PGC: variants seen among roughly 807,000 people sequenced by gnomAD.
PGC encodes the protein progastricsin.
PGC carries 31 observed loss-of-function variants against 45.9 expected under a neutral mutation model. The ratio of observed to expected loss-of-function variants is 0.67; its 90% CI spans 0.51 to 0.91. The LOEUF (loss-of-function observed/expected upper bound fraction) is 0.91, where lower values mean the gene tolerates loss of function less well. PGC is among the 40% of genes least tolerant of loss of function. The pLI, the probability that PGC is intolerant of heterozygous loss-of-function variation, is 0.00. For synonymous variants in PGC, 192 were observed against 201.8 expected (o/e 0.95, Z 0.41); for missense variants, 477 against 493.2 (o/e 0.97, Z 0.31).
rs374126816 is a variant in PGC at position 41,739,913 on chromosome 6, A to C, written c.801T>G (p.Cys267Trp). Reference sequence around the variant, plus strand: ...CCACGATGGCCTGGCAACCCTCAGAACACCAGCCGGAGGCCTGGCCGCCGA... The same window carrying C: ...CCACGATGGCCTGGCAACCCTCAGACCACCAGCCGGAGGCCTGGCCGCCGA... ...FLIGGQASGW[C>W]SEGCQAIVDT... Residue 267 changes from cysteine (C) to tryptophan (W), a missense_variant, in exon 7 of 9, where the codon TGT (cysteine) becomes TGG (tryptophan). By Grantham distance (215) the Cys-to-Trp change is radical. Coordinates refer to ENST00000373025, the MANE Select transcript of PGC (RefSeq NM_002630.4). 16 of 1,614,142 alleles carry C rather than the reference A, an allele frequency of 9.9e-6. No homozygotes were observed. Among genetic ancestry groups the C allele is most frequent in the Non-Finnish European group, 1.4e-5 (16 of 1,179,998 alleles).
At position 41,737,764 on chromosome 6, in the gene PGC, T is replaced by G; in HGVS notation, c.980A>C (p.Glu327Ala). The change falls in exon 8 of 9, where the codon GAG becomes GCG. Residue 327 changes from glutamate (E) to alanine (A), a missense_variant. By Grantham distance (107) the Glu-to-Ala change is moderately radical. Coordinates refer to ENST00000373025, the MANE Select transcript of PGC (RefSeq NM_002630.4). The part of the protein sequence containing the change: ...PSLTFIINGV[E>A]FPLPPSSYIL... ...ATAGGAGGAAGGTGGCAGAGGGAAC[T>G]CCACACCATTGATGATGAAGGTCAA... 4 of 1,611,672 alleles carry G rather than the reference T, an allele frequency of 2.5e-6. No homozygotes were observed. In the East Asian group the frequency reaches 6.7e-5, roughly 27 times the overall value.
chr6:41,741,916 G>C (rs550774132), intron 5 of PGC: 29 of 1,244,160 alleles, frequency 2.3e-5, no homozygotes, highest in Middle Eastern at 1.8e-4. Flanking sequence ...GAAAACATTC[G>C]GTCAGAAGGA....
At chr6:41,737,386 T>C (rs1771706104) in intron 8 of PGC, among the ~76,000 whole-genome samples, 1 of 152,240 alleles carries the variant, frequency 6.6e-6, no homozygotes, top group Admixed American at 6.5e-5. Context: ...CTCCAAGTTT[T>C]CATTTGTAAA....
At chr6:41,743,533 G>T in intron 3 of PGC, 144 bp from the exon 4 acceptor site, 1 of 669,080 alleles carries the variant, frequency 1.5e-6, no homozygotes, top group East Asian at 2.6e-5. Context: ...CCAAGTCAAG[G>T]GGTGGCATTG....
chr6:41,738,215 C>CAT lies in PGC; in HGVS notation c.916-389_916-388dup, dbSNP rs1278416133. Among the ~76,000 whole-genome samples, 17 of 13,676 alleles carry CAT rather than the reference C, an allele frequency of 1.2e-3. 1 individual carries two copies. Among genetic ancestry groups the CAT allele is most frequent in the Non-Finnish European group, 2.5e-3 (12 of 4,736 alleles). The allele number at this position is 13,676 out of a possible 152,430, so 9.0% of individuals were successfully genotyped here. A position where few individuals can be genotyped will look rare whatever the true frequency, so the allele number is the denominator to read the frequency against. On this transcript the variant is annotated intron_variant, in intron 7 of 8. Transcript: ENST00000373025. ...GCATATATATATGCATATATATATG[C>CAT]ATATATATATGCATATATATATGTA...
chr6:41,743,451 GC>G, intron 3 of PGC, 62 bp from the exon 4 acceptor site: 1 of 1,016,606 alleles, frequency 9.8e-7, no homozygotes, highest in Non-Finnish European at 1.6e-6. Flanking sequence ...CAGCTCTCAG[GC>G]CTGCCGGGTT....
intron 7 of PGC, among the ~76,000 whole-genome samples, chr6:41,738,317 G>C (rs1771755571): frequency 6.7e-6 from 1 of 149,508 alleles, no homozygotes; most frequent in Admixed American, 6.7e-5. Flanking sequence ...TGCCCAGCTT[G>C]CAAGTGGCAT....
rs10536839 is a variant in PGC, at chr6:41,738,188, ATG to A, written c.916-362_916-361del. Among the ~76,000 whole-genome samples the A allele has an allele frequency of 8.6e-3, 129 of 14,976 alleles. 3 individuals carry two copies. The highest frequency in any genetic ancestry group is 0.045 in the South Asian group (21 of 464). 9.8% of individuals were successfully genotyped at this position (14,976 alleles called of 152,430 possible). A position where few individuals can be genotyped will look rare whatever the true frequency, so the allele number is the denominator to read the frequency against. ...TATGCATATATATATACATATATAT[ATG>A]CATATATATATGCATATATATATGC... On this transcript the variant is annotated intron_variant, in intron 7 of 8. Coordinates refer to ENST00000373025, the MANE Select transcript of PGC (RefSeq NM_002630.4).
intron 7 of PGC, among the ~76,000 whole-genome samples, chr6:41,738,426 G>A (rs1482312650): frequency 1.3e-5 from 2 of 151,030 alleles, no homozygotes; most frequent in Middle Eastern, 3.4e-3. Context: ...CCAGAAGTTC[G>A]AGACCAGCCT....
chr6:41,743,420 G>T (rs761920205), intron 3 of PGC, 31 bp from the exon 4 acceptor site: 2 of 1,375,336 alleles, frequency 1.5e-6, no homozygotes, highest in South Asian at 1.2e-5. Context: ...GGGGAGTCAG[G>T]CCGGCTGGGG....
In PGC at chr6:41,739,878, G is replaced by A. The variant is rs751786554; in HGVS notation, c.836C>T (p.Thr279Ile). 96 of 1,614,092 alleles carry A rather than the reference G, an allele frequency of 5.9e-5. No individual in the cohort carries two copies. Among genetic ancestry groups the A allele is most frequent in the Non-Finnish European group, 8.1e-5 (95 of 1,180,024 alleles). Reference protein sequence around the residue: ...EGCQAIVDTGTSLLTVPQQYM... With the variant: ...EGCQAIVDTGISLLTVPQQYM... ...CTGCTGGGGCACAGTGAGCAGAGAGGTGCCTGTGTCCACGATGGCCTGGCA... is the reference window on the plus strand; with the variant it reads ...CTGCTGGGGCACAGTGAGCAGAGAGATGCCTGTGTCCACGATGGCCTGGCA... Residue 279 changes from threonine to isoleucine, a missense_variant, in exon 7 of 9, where the codon ACC becomes ATC. By Grantham distance (89) the Thr-to-Ile change is moderately conservative (BLOSUM62 -1). Coordinates refer to ENST00000373025, the MANE Select transcript of PGC (RefSeq NM_002630.4).
At chr6:41,741,170 C>A in intron 5 of PGC, 2 of 1,535,062 alleles carry the variant, frequency 1.3e-6, no homozygotes, top group Non-Finnish European at 1.7e-6. Context: ...TAAGGATATT[C>A]CATGTTTGTT....
intron 4 of PGC, among the ~76,000 whole-genome samples, chr6:41,742,900 A>G (rs1771858178): frequency 6.6e-6 from 1 of 152,158 alleles, no homozygotes; most frequent in African/African-American, 2.4e-5. Context: ...CTGGGATTAC[A>G]GGCGTGAGCC....
intron 1 of PGC, 125 bp downstream of exon 1, chr6:41,747,150 CT>C (rs1307311751): frequency 2.6e-6 from 2 of 779,152 alleles, no homozygotes; most frequent in African/African-American, 3.4e-5. Flanking sequence ...CAAAGGGAGA[CT>C]TCCCTTCCCC....
At position 41,739,899 on chromosome 6, in the gene PGC, T is replaced by C. The variant is rs140458971; in HGVS notation, c.815A>G (p.Gln272Arg). 8 of 1,613,928 alleles carry C rather than the reference T, an allele frequency of 5.0e-6. No homozygotes were observed. The African/African-American group carries it at 1.1e-4, about 22-fold the overall frequency. ...AGAGGTGCCTGTGTCCACGATGGCC[T>C]GGCAACCCTCAGAACACCAGCCGGA... ...QASGWCSEGCQAIVDTGTSLL... is the reference protein window; with the variant it reads ...QASGWCSEGCRAIVDTGTSLL... The change falls in exon 7 of 9, where the codon CAG becomes CGG. Residue 272 changes from glutamine (Q) to arginine (R), a missense_variant. Transcript: ENST00000373025.
chr6:41,745,550 T>G (rs866249650), intron 1 of PGC, among the ~76,000 whole-genome samples: 6 of 131,210 alleles, frequency 4.6e-5, no homozygotes, highest in Non-Finnish European at 8.2e-5. Flanking sequence ...GGATATGTAG[T>G]TTTTTTTTTT....
intron 1 of PGC, 44 bp downstream of exon 1, chr6:41,747,232 T>C (rs1217756937): frequency 6.4e-7 from 1 of 1,568,646 alleles, no homozygotes; most frequent in Non-Finnish European, 8.8e-7. Flanking sequence ...GGCTTTAGGC[T>C]CCCATCCAGG....
At position 41,742,334 on chromosome 6, in the gene PGC, C is replaced by CTGCA; in HGVS notation, c.599_602dup (p.Gln201HisfsTer33). 6.2e-7 allele frequency: 1 copy of CTGCA among 1,614,178 alleles called. No individual in the cohort carries two copies. Among genetic ancestry groups the CTGCA allele is most frequent in the Non-Finnish European group, 8.5e-7 (1 of 1,180,022 alleles). On this transcript the variant is annotated frameshift_variant, in exon 5 of 9. Transcript: ENST00000373025. LOFTEE classifies it high-confidence loss of function. Reference sequence around the variant, plus strand: ...AGACGGGGCTGGTGAGGGCGCCCTCCTGCACCATGCCCTGCATAGCTGTGG... The same window carrying CTGCA: ...AGACGGGGCTGGTGAGGGCGCCCTCCTGCATGCACCATGCCCTGCATAGCTGTGG...
rs1771946121 is a variant in PGC, at chr6:41,747,289, C to T, written c.46G>A (p.Ala16Thr). The change falls in exon 1 of 9, where the codon GCA (alanine) becomes ACA (threonine). Residue 16 changes from alanine to threonine, a missense_variant. Physicochemically the swap from Ala to Thr is moderately conservative, Grantham distance 58. Transcript: ENST00000373025. ...TCCCAGACTCACTTGACCACTGCTG[C>T]CTCCAAGAGCTGGAGGCAGACCAAG... ...VVLVCLQLLEAAVVKVPLKKF... is the reference protein window; with the variant it reads ...VVLVCLQLLETAVVKVPLKKF... 6.2e-7 allele frequency: 1 copy of T among 1,613,910 alleles called. No individual in the cohort carries two copies. The highest frequency in any genetic ancestry group is 1.1e-5 in the South Asian group (1 of 91,080).
Sources: gnomAD v4.1 joint callset for allele counts (sites outside exome capture counted in the v4.1 genomes callset) on GRCh38, gnomAD v4.1.1 for gene constraint, MANE v1.5 for transcripts, NCBI Gene and HGNC (gene_info 2026-07-23, HGNC 2026-07-21) for gene names.